The following MYO18B variants were observed in gnomAD, a reference collection of about 807,000 sequenced individuals.
MYO18B encodes unconventional myosin-XVIIIb.
In MYO18B, 204 loss-of-function variants were observed where a neutral mutation model predicts 273.0. The ratio of observed to expected loss-of-function variants is 0.75; its 90% CI spans 0.67 to 0.84. The LOEUF is 0.84. Ranked by LOEUF, MYO18B falls within the 40% of genes least tolerant of loss-of-function variation. The probability of loss-of-function intolerance (pLI) is 0.00; values close to 1 mark genes in which losing one functional copy is unlikely to be tolerated. For missense variants in MYO18B, 3,212 were observed against 3,287.6 expected (o/e 0.98, Z 0.56); for synonymous variants, 1,330 against 1,305.7 (o/e 1.02, Z -0.40).
chr22:25,840,148 C>T (rs1004604346), intron 17 of MYO18B, among the ~76,000 whole-genome samples: 1 of 152,182 alleles, frequency 6.6e-6, no homozygotes, highest in African/African-American at 2.4e-5. Context: ...GCCATTCTCC[C>T]CACAACCCTG....
At chr22:25,792,497 C>CTTTTTTT (rs58679561) in intron 11 of MYO18B, among the ~76,000 whole-genome samples, 2,076 of 107,846 alleles carry the variant, frequency 0.019, 232 homozygotes, top group African/African-American at 0.046. Flanking sequence ...TTTTTCTTTT[C>CTTTTTTT]TTTTTTTTTT....
At chr22:26,042,905 C>T in the MYO18B span, among the ~76,000 whole-genome samples, 1 of 152,198 alleles carries the variant, frequency 6.6e-6, no homozygotes, top group East Asian at 1.9e-4. Flanking sequence ...ATGACCATAG[C>T]TCATGTTTCT....
intron 11 of MYO18B, among the ~76,000 whole-genome samples, chr22:25,791,392 C>T (rs2087653891): frequency 6.6e-6 from 1 of 152,050 alleles, no homozygotes; most frequent in South Asian, 2.1e-4. Flanking sequence ...TGGAGATCCC[C>T]AGTGTGGCGC....
chr22:25,976,134 G>A (rs989691726), intron 39 of MYO18B, among the ~76,000 whole-genome samples: 1 of 152,180 alleles, frequency 6.6e-6, no homozygotes, highest in East Asian at 1.9e-4. Flanking sequence ...TATCTGGTGG[G>A]TAGAGGCCAG....
At chr22:25,889,268 A>G (rs965173027) in intron 25 of MYO18B, among the ~76,000 whole-genome samples, 1 of 152,158 alleles carries the variant, frequency 6.6e-6, no homozygotes, top group Admixed American at 6.5e-5. Context: ...CAGTACCGAG[A>G]GAGGCTAGCT....
chr22:25,777,488 A>G (rs990292144), intron 7 of MYO18B, 95 bp from the exon 8 acceptor site: 12 of 1,210,078 alleles, frequency 9.9e-6, no homozygotes, highest in Admixed American at 6.6e-5. Flanking sequence ...GCAGGGACAC[A>G]GATCTGGACC....
intron 22 of MYO18B, among the ~76,000 whole-genome samples, chr22:25,870,284 AGT>A (rs1317493145): frequency 1.3e-5 from 2 of 152,220 alleles, no homozygotes; most frequent in Non-Finnish European, 2.9e-5. Context: ...AACATCACAG[AGT>A]GTACTCACAC....
rs376560360 is a variant in MYO18B at position 25,906,765 on chromosome 22, T to C, written c.5149-1557T>C. ...CACGGTGGAAGGGGAAGCAGGCAAG[T>C]CTTACATGGTGGCTGGCAAGAGAGA... On this transcript the variant is annotated intron_variant, in intron 31 of 43. Coordinates refer to ENST00000335473, the MANE Select transcript of MYO18B (RefSeq NM_032608.7). 1.3e-3 allele frequency among the ~76,000 whole-genome samples: 195 copies of C among 152,156 alleles called. 1 individual carries two copies. Among genetic ancestry groups the C allele is most frequent in the African/African-American group, 4.6e-3 (191 of 41,500 alleles).
intron 39 of MYO18B, among the ~76,000 whole-genome samples, chr22:25,963,515 C>T (rs2092942930): frequency 6.8e-6 from 1 of 147,958 alleles, no homozygotes; most frequent in Non-Finnish European, 1.5e-5. Context: ...TCAAGGACAC[C>T]AGTCATTGAA....
intron 39 of MYO18B, among the ~76,000 whole-genome samples, chr22:25,988,770 G>T (rs1324157652): frequency 6.6e-6 from 1 of 152,120 alleles, no homozygotes; most frequent in Non-Finnish European, 1.5e-5. Context: ...ACTCTGCCAA[G>T]CTCATTTACT....
At chr22:25,773,582 G>GC (rs1278495284) in intron 7 of MYO18B, among the ~76,000 whole-genome samples, 2 of 152,118 alleles carry the variant, frequency 1.3e-5, no homozygotes, top group African/African-American at 2.4e-5. Flanking sequence ...TCCTGCCTCA[G>GC]CCCCCCGAGT....
intron 12 of MYO18B, among the ~76,000 whole-genome samples, chr22:25,803,783 T>C (rs1333164561): frequency 6.6e-6 from 1 of 152,184 alleles, no homozygotes; most frequent in African/African-American, 2.4e-5. Context: ...TTCAGGGCTT[T>C]GTGGTTCTGG....
intron 42 of MYO18B, among the ~76,000 whole-genome samples, chr22:26,005,245 TG>T (rs1344339861): frequency 6.6e-6 from 1 of 152,224 alleles, no homozygotes; most frequent in Non-Finnish European, 1.5e-5. Flanking sequence ...TTTCCATTTA[TG>T]GGTAATTACA....
intron 31 of MYO18B, among the ~76,000 whole-genome samples, chr22:25,904,345 C>T (rs1193154797): frequency 6.6e-6 from 1 of 152,156 alleles, no homozygotes; most frequent in Non-Finnish European, 1.5e-5. Flanking sequence ...GTATACTAAC[C>T]TCAGCCCTAA....
chr22:25,994,480 A>G (rs2146861078), intron 40 of MYO18B, among the ~76,000 whole-genome samples: 1 of 152,222 alleles, frequency 6.6e-6, no homozygotes, highest in South Asian at 2.1e-4. Flanking sequence ...CTCAGAAAAT[A>G]AATTAAAAAA....
chr22:25,814,294 C>CTT lies in MYO18B; in HGVS notation c.2522-9169_2522-9168dup, dbSNP rs398036691. On this transcript the variant is annotated intron_variant, in intron 12 of 43. Transcript: ENST00000335473. ...GCTTGCCATGCTCCCAGGCACCGTT[C>CTT]TTTTTTTTTTTTTTTTTTTTTTTTT... Among the ~76,000 whole-genome samples, 194 of 59,494 alleles carry CTT rather than the reference C, an allele frequency of 3.3e-3. 35 individuals are homozygous for CTT. Among genetic ancestry groups the CTT allele is most frequent in the Non-Finnish European group, 4.8e-3 (148 of 30,814 alleles). 39.0% of individuals were successfully genotyped at this position (59,494 alleles called of 152,430 possible).
At chr22:25,799,131 TTGTGTGTGTGTGTGTG>T (rs61488241) in intron 12 of MYO18B, among the ~76,000 whole-genome samples, 1 of 145,142 alleles carries the variant, frequency 6.9e-6, no homozygotes, top group Non-Finnish European at 1.5e-5. Context: ...GTGTTTACGT[TTGTGTGTGTGTGTGTG>T]TGTGTGTGTG....
chr22:26,024,889 A>T (rs961119681), intron 42 of MYO18B, among the ~76,000 whole-genome samples: 3 of 152,150 alleles, frequency 2.0e-5, no homozygotes, highest in Non-Finnish European at 4.4e-5. Flanking sequence ...TATTTCTCAT[A>T]GTTCTAGAGG....
intron 22 of MYO18B, among the ~76,000 whole-genome samples, chr22:25,873,517 C>T (rs2091105474): frequency 6.6e-6 from 1 of 152,150 alleles, no homozygotes; most frequent in Admixed American, 6.5e-5. Flanking sequence ...CTTGGCTCAC[C>T]ACAACTTCTG....
Sources: allele counts gnomAD v4.1 joint callset (sites outside exome capture counted in the v4.1 genomes callset), GRCh38; gene constraint gnomAD v4.1.1; transcripts MANE v1.5; gene names NCBI Gene and HGNC (gene_info 2026-07-23, HGNC 2026-07-21).